Variants in OSBPL6 observed in about 807,000 individuals in gnomAD.
OSBPL6 encodes oxysterol binding protein like 6.
OSBPL6 carries 49 observed loss-of-function variants against 125.8 expected under a neutral mutation model. The ratio of observed to expected loss-of-function variants is 0.39; its 90% CI spans 0.31 to 0.49. The LOEUF (loss-of-function observed/expected upper bound fraction) is 0.49. Among genes scored for constraint, OSBPL6 ranks in the 20% least tolerant of loss-of-function variants. The pLI is 0.88. For synonymous variants in OSBPL6, 394 were observed against 391.8 expected (o/e 1.01, Z -0.07); for missense variants, 986 against 1,135.4 (o/e 0.87, Z 1.89).
intron 1 of OSBPL6, among the ~76,000 whole-genome samples, chr2:178,263,984 G>A (rs2092149959): frequency 6.6e-6 from 1 of 152,116 alleles, no homozygotes; most frequent in Non-Finnish European, 1.5e-5. Flanking sequence ...ACAACAGAGA[G>A]GACTGTGGCA....
chr2:178,391,304 C>T (rs139249350), intron 22 of OSBPL6, 87 bp downstream of exon 22: 19,202 of 1,358,098 alleles, frequency 0.014, 182 homozygotes, highest in Non-Finnish European at 0.016. Flanking sequence ...ATGCAACTCA[C>T]ATTATGTTTC....
chr2:178,225,535 TGTCA>T (rs1323901359), intron 1 of OSBPL6, among the ~76,000 whole-genome samples: 1 of 152,210 alleles, frequency 6.6e-6, no homozygotes. Context: ...AAAACCGTGG[TGTCA>T]GTCAGAGCCC....
At chr2:178,341,570 G>A (rs1690203275) in intron 11 of OSBPL6, among the ~76,000 whole-genome samples, 1 of 152,054 alleles carries the variant, frequency 6.6e-6, no homozygotes, top group South Asian at 2.1e-4. Context: ...TTTGCTAAGG[G>A]TAATAAAATG....
chr2:178,265,838 T>G (rs1395158717), intron 1 of OSBPL6, among the ~76,000 whole-genome samples: 1 of 152,162 alleles, frequency 6.6e-6, no homozygotes, highest in African/African-American at 2.4e-5. Flanking sequence ...CTACAGATAT[T>G]TATTGAGCAT....
At chr2:178,390,275 C>A (rs935876882) in intron 21 of OSBPL6, among the ~76,000 whole-genome samples, 5 of 152,236 alleles carry the variant, frequency 3.3e-5, no homozygotes, top group African/African-American at 1.2e-4. Flanking sequence ...GTAACCCTGG[C>A]AATGTAGGAC....
At chr2:178,234,402 A>G (rs2090962496) in intron 1 of OSBPL6, among the ~76,000 whole-genome samples, 1 of 152,134 alleles carries the variant, frequency 6.6e-6, no homozygotes, top group South Asian at 2.1e-4. Flanking sequence ...TACCAGTGAG[A>G]GAGAGAGAGA....
At chr2:178,349,841 A>C (rs1196607063) in intron 12 of OSBPL6, among the ~76,000 whole-genome samples, 1 of 152,210 alleles carries the variant, frequency 6.6e-6, no homozygotes, top group African/African-American at 2.4e-5. Flanking sequence ...GATGTCTTTG[A>C]CTAGCCCCAG....
At chr2:178,242,391 C>T (rs575250629) in intron 1 of OSBPL6, among the ~76,000 whole-genome samples, 64 of 152,284 alleles carry the variant, frequency 4.2e-4, no homozygotes, top group African/African-American at 1.4e-3. Flanking sequence ...TCCCAATTCC[C>T]ACATCTCTCT....
rs1696119534 is a variant in OSBPL6 at position 178,402,109 on chromosome 2, A to G, written c.*6550A>G. The G allele has an allele frequency of 6.6e-6, 1 of 151,836 alleles. No individual in the cohort carries two copies. The highest frequency in any genetic ancestry group is 1.5e-5 in the Non-Finnish European group (1 of 67,912). 9.4% of individuals were successfully genotyped at this position (151,836 alleles called of 1,614,324 possible). On this transcript the variant is annotated 3_prime_UTR_variant, in exon 25 of 25. Coordinates refer to ENST00000190611, the MANE Select transcript of OSBPL6 (RefSeq NM_032523.4). ...ACAGAGCAAGTTCCTGTCTTAAAAA[A>G]AAAAGTAATAAAAAAGACATTTAAA...
At chr2:178,328,430 T>C (rs757673635) in intron 5 of OSBPL6, 52 bp downstream of exon 5, 1 of 1,587,974 alleles carries the variant, frequency 6.3e-7, no homozygotes, top group Non-Finnish European at 8.5e-7. Context: ...ATAAAGAAGA[T>C]CTTATTTGCT....
rs143349496 is a variant in OSBPL6 at position 178,361,492 on chromosome 2, C to T, written c.1154-190C>T. On this transcript the variant is annotated intron_variant, in intron 12 of 24. Coordinates refer to ENST00000190611, the MANE Select transcript of OSBPL6 (RefSeq NM_032523.4). Reference sequence around the variant, plus strand: ...CAAATTTTTCACTCTGATCAATTGCCATTGTAATATTTGTGTGGAGTATAG... The same window carrying T: ...CAAATTTTTCACTCTGATCAATTGCTATTGTAATATTTGTGTGGAGTATAG... Among the ~76,000 whole-genome samples, 999 of 152,234 alleles carry T rather than the reference C, an allele frequency of 6.6e-3. 7 individuals are homozygous for T. The highest frequency in any genetic ancestry group is 0.023 in the African/African-American group (939 of 41,528).
At chr2:178,376,605 G>A (rs947804408) in intron 15 of OSBPL6, among the ~76,000 whole-genome samples, 10 of 152,076 alleles carry the variant, frequency 6.6e-5, no homozygotes, top group Admixed American at 2.0e-4. Flanking sequence ...ATCTGATCAT[G>A]TCCGTATTCC....
chr2:178,291,712 C>CCTTCCTTCCTTCCTTCTTT (rs1559209266), intron 2 of OSBPL6, among the ~76,000 whole-genome samples: 1 of 88,450 alleles, frequency 1.1e-5, no homozygotes, highest in African/African-American at 3.8e-5. Context: ...CTTCTTTCCT[C>CCTTCCTTCCTTCCTTCTTT]CCTCCCTCCC....
At chr2:178,276,854 A>G (rs2092480299) in intron 1 of OSBPL6, among the ~76,000 whole-genome samples, 2 of 149,420 alleles carry the variant, frequency 1.3e-5, no homozygotes, top group South Asian at 4.3e-4. Context: ...ATGTGCATTG[A>G]GGAGCAAGAA....
chr2:178,220,901 G>A (rs1267254120), intron 1 of OSBPL6, among the ~76,000 whole-genome samples: 1 of 152,206 alleles, frequency 6.6e-6, no homozygotes, highest in Non-Finnish European at 1.5e-5. Flanking sequence ...GAAATATGCA[G>A]TAACAGGACA....
At chr2:178,219,475 C>T (rs2090246939) in intron 1 of OSBPL6, among the ~76,000 whole-genome samples, 1 of 152,168 alleles carries the variant, frequency 6.6e-6, no homozygotes, top group Non-Finnish European at 1.5e-5. Context: ...TTGGAGATAG[C>T]ACCCTAGGGG....
chr2:178,324,310 C>A, intron 4 of OSBPL6, 41 bp downstream of exon 4: 1 of 1,414,692 alleles, frequency 7.1e-7, no homozygotes, highest in Non-Finnish European at 9.8e-7. Flanking sequence ...TGGCATGATG[C>A]CTGCTCTGGG....
At chr2:178,358,952 T>C (rs1692071911) in intron 12 of OSBPL6, among the ~76,000 whole-genome samples, 1 of 152,096 alleles carries the variant, frequency 6.6e-6, no homozygotes, top group Admixed American at 6.6e-5. Context: ...TAACCTTTAC[T>C]TGAGGCCAGG....
At chr2:178,220,970 C>G (rs1400447772) in intron 1 of OSBPL6, among the ~76,000 whole-genome samples, 2 of 152,102 alleles carry the variant, frequency 1.3e-5, no homozygotes, top group Admixed American at 6.5e-5. Context: ...CTTGGGAGAC[C>G]CAGGCTGTGT....
Sources: allele counts gnomAD v4.1 joint callset (sites outside exome capture counted in the v4.1 genomes callset), GRCh38; gene constraint gnomAD v4.1.1; transcripts MANE v1.5; gene names NCBI Gene and HGNC (gene_info 2026-07-23, HGNC 2026-07-21).